Variants in TTC3 observed in about 807,000 individuals in gnomAD.
The protein encoded by TTC3 is E3 ubiquitin-protein ligase TTC3.
In TTC3, 180 loss-of-function variants were observed where a neutral mutation model predicts 249.6. The ratio of observed to expected loss-of-function variants is 0.72; its 90% CI spans 0.64 to 0.82. The LOEUF is 0.82. Ranked by LOEUF, TTC3 falls within the 40% of genes least tolerant of loss-of-function variation. The probability of loss-of-function intolerance (pLI) is 0.00; values close to 1 mark genes in which losing one functional copy is unlikely to be tolerated. For missense variants in TTC3, 2,061 were observed against 2,398.4 expected (o/e 0.86, Z 2.94); for synonymous variants, 717 against 805.0 (o/e 0.89, Z 1.85).
intron 20 of TTC3, among the ~76,000 whole-genome samples, chr21:37,143,179 G>A (rs538761037): frequency 0.021 from 3,153 of 152,244 alleles, 100 homozygotes; most frequent in African/African-American, 0.072. Flanking sequence ...TCAGGACATA[G>A]GCATGGGTAA....
intron 41 of TTC3, among the ~76,000 whole-genome samples, chr21:37,192,612 TCAC>T (rs1485194630): frequency 6.6e-6 from 1 of 151,958 alleles, no homozygotes; most frequent in Non-Finnish European, 1.5e-5. Context: ...CAGGCCGCTA[TCAC>T]CACCTCAGAT....
At chr21:37,163,605 C>A (rs2080977411) in intron 31 of TTC3, among the ~76,000 whole-genome samples, 1 of 152,148 alleles carries the variant, frequency 6.6e-6, no homozygotes, top group South Asian at 2.1e-4. Context: ...CTGCCTTGGC[C>A]TCCCAAAGTG....
intron 35 of TTC3, 81 bp from the exon 36 acceptor site, chr21:37,182,693 C>G (rs773138639): frequency 7.4e-7 from 1 of 1,350,028 alleles, no homozygotes; most frequent in Non-Finnish European, 9.9e-7. Flanking sequence ...GCTATGGCAC[C>G]GTCACAATTC....
chr21:37,193,917 TC>T (rs2148221626), intron 41 of TTC3: 1 of 152,298 alleles, frequency 6.6e-6, no homozygotes, highest in Non-Finnish European at 1.5e-5. Flanking sequence ...GTTGGAAGTC[TC>T]CCAGAGACAG....
chr21:37,093,402 A>AAAAAAAG (rs1555852177), intron 7 of TTC3: 5 of 132,252 alleles, frequency 3.8e-5, no homozygotes, highest in Non-Finnish European at 4.8e-5. Flanking sequence ...AAAAAAAAAA[A>AAAAAAAG]GGAAATGCTC....
chr21:37,096,201 C>T (rs2073925741), intron 9 of TTC3, among the ~76,000 whole-genome samples: 1 of 152,244 alleles, frequency 6.6e-6, no homozygotes, highest in African/African-American at 2.4e-5. Context: ...TTACTGTAGG[C>T]TTCCTTTCTC....
intron 1 of TTC3, among the ~76,000 whole-genome samples, chr21:37,076,011 TCAC>T (rs1353483319): frequency 6.6e-6 from 1 of 152,206 alleles, no homozygotes; most frequent in Non-Finnish European, 1.5e-5. Flanking sequence ...ACCTATGAAT[TCAC>T]CACTCAATCC....
At chr21:37,087,512 T>C in intron 2 of TTC3, 111 bp downstream of exon 2, 2 of 1,314,004 alleles carry the variant, frequency 1.5e-6, no homozygotes, top group Non-Finnish European at 2.1e-6. Flanking sequence ...GACAGGGAGG[T>C]ACACATGCTG....
At chr21:37,186,970 C>A in intron 37 of TTC3, 79 bp from the exon 38 acceptor site, 1 of 811,752 alleles carries the variant, frequency 1.2e-6, no homozygotes, top group Non-Finnish European at 1.9e-6. Flanking sequence ...GGTTTCAAAG[C>A]TCATCCAGCC....
chr21:37,149,897 A>G (rs2079298293), intron 23 of TTC3, among the ~76,000 whole-genome samples, 181 bp from the exon 24 acceptor site: 1 of 152,134 alleles, frequency 6.6e-6, no homozygotes, highest in African/African-American at 2.4e-5. Context: ...CTGAAAGTAT[A>G]TTTTTCCTAC....
exon 16 of TTC3, chr21:37,129,039 G>A (rs777528688): frequency 2.9e-5 from 46 of 1,592,202 alleles, no homozygotes; most frequent in Middle Eastern, 1.7e-4. Context: ...CAAAAATCTC[G>A]AAACAATGAA....
At chr21:37,141,457 G>GT (rs1466684892) in intron 20 of TTC3, among the ~76,000 whole-genome samples, 5 of 151,458 alleles carry the variant, frequency 3.3e-5, no homozygotes, top group Admixed American at 6.6e-5. Flanking sequence ...CTCCTTTATA[G>GT]TTTTTTTTAA....
chr21:37,150,154 G>A (rs1239522859), exon 24 of TTC3: 3 of 1,612,644 alleles, frequency 1.9e-6, no homozygotes, highest in Admixed American at 3.3e-5. Flanking sequence ...AGCAGTGGTG[G>A]TGAAGTTAAA....
chr21:37,090,627 TC>T, intron 6 of TTC3: 1 of 769,276 alleles, frequency 1.3e-6, no homozygotes, highest in Non-Finnish European at 1.6e-6. Flanking sequence ...CTAGGTAATC[TC>T]CAGATTCAAT....
intron 44 of TTC3, among the ~76,000 whole-genome samples, chr21:37,199,442 A>G (rs1644953432): frequency 6.6e-6 from 1 of 152,182 alleles, no homozygotes; most frequent in Non-Finnish European, 1.5e-5. Context: ...CCCAGGCGAC[A>G]CTCAGGTCTG....
intron 20 of TTC3, among the ~76,000 whole-genome samples, chr21:37,143,406 A>G (rs1463608977): frequency 1.3e-5 from 2 of 152,118 alleles, no homozygotes; most frequent in African/African-American, 4.8e-5. Flanking sequence ...ACAAGAAAAA[A>G]ACAACCCCAT....
At chr21:37,172,572 A>T in intron 34 of TTC3, 23 bp from the exon 35 acceptor site, 7 of 1,599,450 alleles carry the variant, frequency 4.4e-6, no homozygotes, top group Non-Finnish European at 6.0e-6. Context: ...TTTTTAATAG[A>T]TTGTTTTGTA....
intron 11 of TTC3, among the ~76,000 whole-genome samples, chr21:37,109,372 G>T (rs1403795564): frequency 6.6e-6 from 1 of 152,184 alleles, no homozygotes; most frequent in Non-Finnish European, 1.5e-5. Flanking sequence ...CTAATACTGC[G>T]CTTTTCCAAT....
intron 28 of TTC3, chr21:37,157,109 C>T: frequency 7.1e-7 from 1 of 1,415,314 alleles, no homozygotes; most frequent in South Asian, 1.3e-5. Flanking sequence ...TAAAGAGATA[C>T]TCAAATGTAG....
Sources: gnomAD v4.1 joint callset for allele counts (sites outside exome capture counted in the v4.1 genomes callset) on GRCh38, gnomAD v4.1.1 for gene constraint, MANE v1.5 for transcripts, NCBI Gene and HGNC (gene_info 2026-07-23, HGNC 2026-07-21) for gene names.